The following CACNA2D3 variants were observed in gnomAD, a reference collection of about 807,000 sequenced individuals.
CACNA2D3 encodes the protein calcium voltage-gated channel auxiliary subunit alpha2delta 3.
CACNA2D3 carries 60 observed loss-of-function variants against 160.6 expected under a neutral mutation model. The ratio of observed to expected loss-of-function variants is 0.37; its 90% CI spans 0.30 to 0.46. The LOEUF is 0.46. Ranked by LOEUF, CACNA2D3 falls within the 20% of genes least tolerant of loss-of-function variation. CACNA2D3 has a pLI of 1.00. For synonymous variants in CACNA2D3, 558 were observed against 492.9 expected (o/e 1.13, Z -1.75); for missense variants, 1,205 against 1,365.0 (o/e 0.88, Z 1.85).
chr3:54,822,205 T>G (rs1703620221), intron 14 of CACNA2D3, among the ~76,000 whole-genome samples: 1 of 152,184 alleles, frequency 6.6e-6, no homozygotes, highest in African/African-American at 2.4e-5. Flanking sequence ...GTGTTAAGAT[T>G]GATATACTCA....
At chr3:54,945,110 G>A (rs181434728) in intron 27 of CACNA2D3, among the ~76,000 whole-genome samples, 69 of 152,322 alleles carry the variant, frequency 4.5e-4, no homozygotes, top group African/African-American at 1.3e-3. Context: ...GAGCTGGGCA[G>A]GGAAAGGAAG....
In CACNA2D3 at chr3:54,550,420, G is replaced by A. The variant is rs150473220; in HGVS notation, c.545-12380G>A. On this transcript the variant is annotated intron_variant, in intron 5 of 37. Coordinates refer to ENST00000474759, the MANE Select transcript of CACNA2D3 (RefSeq NM_018398.3). ...GCGAGGGGGCCGAGCAGCTGGCACC[G>A]CGTGGCGCAGTGGCTCCCGCCAAGA... 3.3e-3 allele frequency among the ~76,000 whole-genome samples: 498 copies of A among 152,320 alleles called. 3 individuals carry two copies. Among genetic ancestry groups the A allele is most frequent in the Middle Eastern group, 0.017 (5 of 294 alleles).
At chr3:55,050,014 G>T in intron 35 of CACNA2D3, among the ~76,000 whole-genome samples, 3 of 149,380 alleles carry the variant, frequency 2.0e-5, no homozygotes, top group African/African-American at 5.0e-5. Flanking sequence ...CGTGAGATGG[G>T]TTTCCTGAAT....
intron 27 of CACNA2D3, among the ~76,000 whole-genome samples, chr3:54,958,069 G>A (rs1701944763): frequency 6.6e-6 from 1 of 152,184 alleles, no homozygotes; most frequent in Non-Finnish European, 1.5e-5. Context: ...TGCCTGTGCT[G>A]GTAGCTTCTC....
At chr3:54,599,077 G>A (rs1575371766) in intron 9 of CACNA2D3, among the ~76,000 whole-genome samples, 2 of 152,306 alleles carry the variant, frequency 1.3e-5, no homozygotes, top group Admixed American at 1.3e-4. Context: ...GCGCCCTATT[G>A]AGTTGCTTGC....
At chr3:54,325,703 T>G (rs1365996577) in intron 3 of CACNA2D3, among the ~76,000 whole-genome samples, 1 of 152,184 alleles carries the variant, frequency 6.6e-6, no homozygotes, top group East Asian at 1.9e-4. Context: ...ATTAATTAGT[T>G]GTATCTAAAA....
At chr3:54,465,975 C>G (rs78470460) in intron 4 of CACNA2D3, among the ~76,000 whole-genome samples, 2,960 of 152,246 alleles carry the variant, frequency 0.019, 77 homozygotes, top group East Asian at 0.11. Context: ...GAGGTCCCCC[C>G]TGCCTTGCTG....
At chr3:54,137,466 G>A (rs897696795) in intron 2 of CACNA2D3, among the ~76,000 whole-genome samples, 2 of 152,160 alleles carry the variant, frequency 1.3e-5, no homozygotes, top group Non-Finnish European at 2.9e-5. Flanking sequence ...TTTGAAAGAC[G>A]CCATCTGCTT....
At chr3:54,167,174 G>A (rs747192190) in intron 2 of CACNA2D3, among the ~76,000 whole-genome samples, 1 of 152,114 alleles carries the variant, frequency 6.6e-6, no homozygotes, top group Non-Finnish European at 1.5e-5. Context: ...ATTCTGTTGA[G>A]TTATTGAGAC....
In CACNA2D3 at chr3:54,569,988, G is replaced by T; in HGVS notation, c.772G>T (p.Val258Phe). ...IQAATSPKDVVILVDVSGSMK... is the reference protein window; with the variant it reads ...IQAATSPKDVFILVDVSGSMK... ...GGCAGCAACTTCTCCGAAAGACGTG[G>T]TCATTTTAGTTGACGTCAGTGGCAG... The change falls in exon 8 of 38, where the codon GTC becomes TTC. Residue 258 changes from valine (V) to phenylalanine (F), a missense_variant. This residue lies in a region of CACNA2D3 where 131 missense variants were observed against 201.5 expected (regional missense o/e 0.65). Transcript: ENST00000474759. The T allele has an allele frequency of 6.2e-7, 1 of 1,613,988 alleles. No individual in the cohort carries two copies. The highest frequency in any genetic ancestry group is 8.5e-7 in the Non-Finnish European group (1 of 1,179,896).
intron 16 of CACNA2D3, among the ~76,000 whole-genome samples, chr3:54,842,136 T>A (rs1456782150): frequency 1.3e-5 from 2 of 152,246 alleles, no homozygotes; most frequent in African/African-American, 4.8e-5. Context: ...TATTTTGAGA[T>A]GTGGTCAGAG....
chr3:54,687,121 C>CTTTTTCTTTTTCTTTTTCTTTTTTTTT, intron 11 of CACNA2D3, among the ~76,000 whole-genome samples: 2 of 94,928 alleles, frequency 2.1e-5, no homozygotes, highest in African/African-American at 8.0e-5. Flanking sequence ...TTTTCTTTTT[C>CTTTTTCTTTTTCTTTTTCTTTTTTTTT]TTTTTTTTTT....
intron 24 of CACNA2D3, among the ~76,000 whole-genome samples, chr3:54,888,509 C>T (rs763146835): frequency 6.6e-5 from 10 of 151,884 alleles, no homozygotes; most frequent in South Asian, 2.1e-4. Context: ...TGGGGAAGGC[C>T]GTGGTAGTTG....
At chr3:54,987,170 C>T (rs955273352) in intron 30 of CACNA2D3, among the ~76,000 whole-genome samples, 1 of 152,112 alleles carries the variant, frequency 6.6e-6, no homozygotes, top group African/African-American at 2.4e-5. Context: ...TGAAAGTGAT[C>T]CTCAGAAAGT....
At chr3:54,974,239 T>C (rs1702334834) in intron 29 of CACNA2D3, among the ~76,000 whole-genome samples, 1 of 152,236 alleles carries the variant, frequency 6.6e-6, no homozygotes, top group South Asian at 2.1e-4. Flanking sequence ...GCTGAGCAGA[T>C]GGAAGCCTGT....
At chr3:54,795,097 G>A (rs926548567) in intron 13 of CACNA2D3, among the ~76,000 whole-genome samples, 4 of 151,578 alleles carry the variant, frequency 2.6e-5, no homozygotes, top group African/African-American at 4.8e-5. Flanking sequence ...TTTTCTCTGT[G>A]TGCTTCATTT....
At chr3:54,223,484 A>G (rs1701611314) in intron 2 of CACNA2D3, among the ~76,000 whole-genome samples, 1 of 152,190 alleles carries the variant, frequency 6.6e-6, no homozygotes, top group South Asian at 2.1e-4. Flanking sequence ...CAGTGGGGTG[A>G]GGAGTGAGTG....
At chr3:54,483,297 G>A (rs1700963114) in intron 4 of CACNA2D3, among the ~76,000 whole-genome samples, 1 of 152,026 alleles carries the variant, frequency 6.6e-6, no homozygotes, top group Admixed American at 6.6e-5. Flanking sequence ...AAAAAATTTT[G>A]TTTTTGACCC....
chr3:54,655,632 T>C (rs192247007), intron 11 of CACNA2D3, among the ~76,000 whole-genome samples: 15 of 152,322 alleles, frequency 9.8e-5, no homozygotes, highest in Admixed American at 3.9e-4. Flanking sequence ...ATTTCACGAA[T>C]AAATATATGT....
Sources: gnomAD v4.1 joint callset for allele counts (sites outside exome capture counted in the v4.1 genomes callset) on GRCh38, gnomAD v4.1.1 for gene constraint, gnomAD v4.1.1 regional missense constraint, MANE v1.5 for transcripts, NCBI Gene and HGNC (gene_info 2026-07-23, HGNC 2026-07-21) for gene names.